Variants in SNCAIP observed in about 807,000 individuals in gnomAD.
The protein encoded by SNCAIP is synphilin-1.
SNCAIP carries 43 observed loss-of-function variants against 86.7 expected under a neutral mutation model. The ratio of observed to expected loss-of-function variants is 0.50; its 90% CI spans 0.39 to 0.64. SNCAIP has a LOEUF of 0.64. Ranked by LOEUF, SNCAIP falls within the 30% of genes least tolerant of loss-of-function variation. The pLI is 0.00. For synonymous variants in SNCAIP, 417 were observed against 427.2 expected (o/e 0.98, Z 0.29); for missense variants, 981 against 1,103.1 (o/e 0.89, Z 1.57).
At chr5:122,428,946 A>G (rs1290836671) in intron 5 of SNCAIP, among the ~76,000 whole-genome samples, 2 of 152,148 alleles carry the variant, frequency 1.3e-5, no homozygotes, top group African/African-American at 2.4e-5. Flanking sequence ...GGAAGTCTTA[A>G]TAAGTTTTAA....
chr5:122,386,666 T>C (rs73287506), intron 1 of SNCAIP, among the ~76,000 whole-genome samples: 22,823 of 152,094 alleles, frequency 0.15, 1,919 homozygotes, highest in South Asian at 0.24. Context: ...CATATAGTTC[T>C]CAGCAGCCGA....
At chr5:122,417,496 A>C (rs920298501) in intron 3 of SNCAIP, among the ~76,000 whole-genome samples, 1 of 152,246 alleles carries the variant, frequency 6.6e-6, no homozygotes, top group Admixed American at 6.5e-5. Flanking sequence ...TATGCAGCAC[A>C]TCTTGTCTAA....
At chr5:122,431,388 A>G (rs1156900496) in intron 5 of SNCAIP, among the ~76,000 whole-genome samples, 2 of 152,166 alleles carry the variant, frequency 1.3e-5, no homozygotes, top group Non-Finnish European at 2.9e-5. Context: ...TTGTGGTATA[A>G]TTCTACAATG....
At chr5:122,387,580 CCAGA>C (rs934032155) in intron 1 of SNCAIP, among the ~76,000 whole-genome samples, 7 of 152,170 alleles carry the variant, frequency 4.6e-5, no homozygotes, top group African/African-American at 1.4e-4. Flanking sequence ...CTGGTTTGGG[CCAGA>C]CAGAGGATGG....
intron 1 of SNCAIP, among the ~76,000 whole-genome samples, chr5:122,344,684 C>T (rs1035923575): frequency 6.6e-6 from 1 of 152,112 alleles, no homozygotes; most frequent in Non-Finnish European, 1.5e-5. Flanking sequence ...GCACAATATT[C>T]CTTTGAATGC....
rs145305006 is a variant in SNCAIP, at chr5:122,328,272, G to A, written c.-47+15988G>A. On this transcript the variant is annotated intron_variant, in intron 1 of 10. Transcript: ENST00000261368. ...ACCTGTGTTGGTGACTTCCAAATTT[G>A]TATTTCTAGTCCTGGGCTAGAGATC... is the stretch of plus-strand genomic sequence containing the variant. 1.2e-4 allele frequency among the ~76,000 whole-genome samples: 18 copies of A among 152,234 alleles called. 1 individual carries two copies. The highest frequency in any genetic ancestry group is 4.1e-4 in the African/African-American group (17 of 41,548).
At chr5:122,461,453 C>A (rs1219741417) in intron 10 of SNCAIP, among the ~76,000 whole-genome samples, 1 of 152,002 alleles carries the variant, frequency 6.6e-6, no homozygotes, top group Non-Finnish European at 1.5e-5. Flanking sequence ...TTTTGAAAAT[C>A]CTCTTATTCT....
chr5:122,422,710 G>T (rs1776630069), intron 3 of SNCAIP, among the ~76,000 whole-genome samples, 158 bp from the exon 4 acceptor site: 1 of 151,910 alleles, frequency 6.6e-6, no homozygotes, highest in Non-Finnish European at 1.5e-5. Flanking sequence ...CCAATGGTAA[G>T]TATGATTTTT....
chr5:122,349,955 T>G (rs1759430631), intron 1 of SNCAIP, among the ~76,000 whole-genome samples: 1 of 152,204 alleles, frequency 6.6e-6, no homozygotes, highest in Admixed American at 6.5e-5. Context: ...CCAAATATCC[T>G]TTGTAAAGAG....
At chr5:122,433,228 C>T (rs997618071) in intron 6 of SNCAIP, among the ~76,000 whole-genome samples, 11 of 151,926 alleles carry the variant, frequency 7.2e-5, no homozygotes, top group African/African-American at 2.7e-4. Context: ...CCAGGCACCA[C>T]GCCATTGGAT....
Position 122,398,372 on chromosome 5 carries a change from G to C in SNCAIP, c.58-5421G>C, listed in dbSNP as rs865803720. ...GTTAGTGCCATGTCCCAAGGGAAGGGACAATGGAACACAGTTTATAATGGA... is the reference window on the plus strand; with the variant it reads ...GTTAGTGCCATGTCCCAAGGGAAGGCACAATGGAACACAGTTTATAATGGA... On this transcript the variant is annotated intron_variant, in intron 2 of 10. Coordinates refer to ENST00000261368, the MANE Select transcript of SNCAIP (RefSeq NM_005460.4). Among the ~76,000 whole-genome samples the C allele has an allele frequency of 5.9e-5, 9 of 152,246 alleles. No individual in the cohort carries two copies. In the South Asian group the frequency reaches 1.5e-3, roughly 25 times the overall value.
intron 8 of SNCAIP, among the ~76,000 whole-genome samples, chr5:122,446,522 A>C (rs1448241247): frequency 6.6e-6 from 1 of 152,210 alleles, no homozygotes; most frequent in Non-Finnish European, 1.5e-5. Flanking sequence ...TCCTGGGATA[A>C]AGTACACATA....
chr5:122,317,054 GTT>G (rs11316478), intron 1 of SNCAIP, among the ~76,000 whole-genome samples: 1 of 151,942 alleles, frequency 6.6e-6, no homozygotes, highest in African/African-American at 2.4e-5. Context: ...GTGCAGTAAC[GTT>G]TTTTTAAAAT....
rs558646960 is a variant in SNCAIP at position 122,458,165 on chromosome 5, T to A, written c.2755-5326T>A. ...GGGAAGACCCTCGTACTCTCTTAAATCACTATTCCAGGGAGGCAGGAAATG... is the reference window on the plus strand; with the variant it reads ...GGGAAGACCCTCGTACTCTCTTAAAACACTATTCCAGGGAGGCAGGAAATG... On this transcript the variant is annotated intron_variant, in intron 10 of 10. Transcript: ENST00000261368. 2.2e-4 allele frequency among the ~76,000 whole-genome samples: 34 copies of A among 152,292 alleles called. No homozygotes were observed. In the South Asian group the frequency reaches 6.6e-3, roughly 30 times the overall value.
chr5:122,378,337 T>C (rs1765835014), intron 1 of SNCAIP, among the ~76,000 whole-genome samples: 1 of 136,078 alleles, frequency 7.3e-6, no homozygotes, highest in Non-Finnish European at 1.6e-5. Context: ...ATAAATGTCT[T>C]CTTTTGAGAA....
chr5:122,366,354 G>T (rs1643979906), intron 1 of SNCAIP, among the ~76,000 whole-genome samples: 1 of 152,182 alleles, frequency 6.6e-6, no homozygotes, highest in Admixed American at 6.5e-5. Context: ...GTATGTATGT[G>T]TATGTGAGAA....
intron 6 of SNCAIP, among the ~76,000 whole-genome samples, chr5:122,432,514 T>A (rs1021216207): frequency 2.6e-5 from 4 of 152,188 alleles, no homozygotes; most frequent in Non-Finnish European, 5.9e-5. Flanking sequence ...TCTATTTTTT[T>A]AATTTTTCAG....
intron 2 of SNCAIP, among the ~76,000 whole-genome samples, chr5:122,394,236 C>T (rs562152191): frequency 1.6e-4 from 24 of 152,256 alleles, no homozygotes; most frequent in African/African-American, 5.5e-4. Flanking sequence ...CTTCTCCTTA[C>T]TCTCTAGCTA....
Position 122,431,630 on chromosome 5 carries a change from A to G in SNCAIP, c.1183-339A>G, listed in dbSNP as rs1291673903. ...AATGTTCTTTGTCTTGAGTGAAGTT[A>G]TAGTTACAGGAGTATACATATTTGT... On this transcript the variant is annotated intron_variant, in intron 5 of 10. Coordinates refer to ENST00000261368, the MANE Select transcript of SNCAIP (RefSeq NM_005460.4). Among the ~76,000 whole-genome samples, 3 of 152,174 alleles carry G rather than the reference A, an allele frequency of 2.0e-5. No individual in the cohort carries two copies. In the East Asian group the frequency reaches 5.8e-4, roughly 29 times the overall value.
Sources: allele counts gnomAD v4.1 joint callset (sites outside exome capture counted in the v4.1 genomes callset), GRCh38; gene constraint gnomAD v4.1.1; transcripts MANE v1.5; gene names NCBI Gene and HGNC (gene_info 2026-07-23, HGNC 2026-07-21).